The following MYO9B variants were observed in gnomAD, a reference collection of about 807,000 sequenced individuals.
The protein encoded by MYO9B is myosin IXB.
Under a neutral mutation model 229.5 loss-of-function variants are expected in MYO9B, and 71 were observed. The ratio of observed to expected loss-of-function variants is 0.31; its 90% CI spans 0.26 to 0.38. The LOEUF (loss-of-function observed/expected upper bound fraction) is 0.38, where lower values mean the gene tolerates loss of function less well. MYO9B is among the 10% of genes least tolerant of loss of function. MYO9B has a pLI of 1.00. For synonymous variants in MYO9B, 1,185 were observed against 1,235.8 expected (o/e 0.96, Z 0.86); for missense variants, 2,255 against 2,920.5 (o/e 0.77, Z 5.25).
intron 38 of MYO9B, among the ~76,000 whole-genome samples, 187 bp downstream of exon 38, chr19:17,211,035 G>A (rs1388239255): frequency 1.4e-5 from 2 of 144,654 alleles, no homozygotes; most frequent in African/African-American, 5.2e-5. Context: ...CCCAGCTGGA[G>A]TGCAGTGGTG....
At chr19:17,182,917 C>A (rs1009029942) in intron 15 of MYO9B, among the ~76,000 whole-genome samples, 7 of 152,052 alleles carry the variant, frequency 4.6e-5, no homozygotes, top group Admixed American at 2.6e-4. Context: ...AAAAGAGCAG[C>A]TTTGGGTTTT....
Position 17,102,153 on chromosome 19 carries a change from G to A in MYO9B, c.436G>A (p.Ala146Thr). 1.2e-6 allele frequency: 2 copies of A among 1,613,784 alleles called. No homozygotes were observed. The highest frequency in any genetic ancestry group is 1.7e-6 in the Non-Finnish European group (2 of 1,179,886). ...VERGLLPRQQADFDDLCNLPE... is the reference protein window; with the variant it reads ...VERGLLPRQQTDFDDLCNLPE... ...GCGTGGCCTCCTGCCACGGCAGCAG[G>A]CGGACTTTGATGACCTGTGTAACCT... Residue 146 changes from alanine to threonine, a missense_variant, in exon 2 of 40, where the codon GCG (alanine) becomes ACG (threonine). Around this residue, in one of 7 missense-constraint regions of MYO9B, gnomAD observed 386 missense variants for 515.2 expected, o/e 0.75. Coordinates refer to ENST00000682292, the MANE Select transcript of MYO9B (RefSeq NM_004145.4).
intron 2 of MYO9B, among the ~76,000 whole-genome samples, chr19:17,145,146 C>T (rs1041456973): frequency 2.0e-5 from 3 of 151,668 alleles, no homozygotes; most frequent in East Asian, 1.9e-4. Flanking sequence ...CATGGTAGCG[C>T]ACATCTGTAG....
intron 29 of MYO9B, 27 bp from the exon 30 acceptor site, chr19:17,203,120 G>T: frequency 6.5e-7 from 1 of 1,541,570 alleles, no homozygotes; most frequent in Non-Finnish European, 8.8e-7. Context: ...CCCTTTCCCT[G>T]CCCAGCGCCT....
At chr19:17,119,993 G>A (rs1365747048) in intron 2 of MYO9B, among the ~76,000 whole-genome samples, 3 of 152,052 alleles carry the variant, frequency 2.0e-5, no homozygotes, top group Non-Finnish European at 2.9e-5. Flanking sequence ...GCAAAACCCC[G>A]TTGCTACGAA....
Position 17,207,261 on chromosome 19 carries a change from C to T in MYO9B, c.5624+17C>T, listed in dbSNP as rs909973480. Reference sequence around the variant, plus strand: ...GATCACCACGTGAGTGCCCACCCTGCCCCGGAGGCATGCTCAGGGCAGCCC... The same window carrying T: ...GATCACCACGTGAGTGCCCACCCTGTCCCGGAGGCATGCTCAGGGCAGCCC... On this transcript the variant is annotated intron_variant, in intron 35 of 39. Coordinates refer to ENST00000682292, the MANE Select transcript of MYO9B (RefSeq NM_004145.4). 22 of 1,587,536 alleles carry T rather than the reference C, an allele frequency of 1.4e-5. No individual in the cohort carries two copies. Among genetic ancestry groups the T allele is most frequent in the Non-Finnish European group, 1.9e-5 (22 of 1,168,226 alleles).
At chr19:17,139,359 A>G (rs1226363601) in intron 2 of MYO9B, among the ~76,000 whole-genome samples, 2 of 151,704 alleles carry the variant, frequency 1.3e-5, no homozygotes, top group African/African-American at 4.8e-5. Context: ...CTAGGCAGGA[A>G]AATCGCTTGA....
chr19:17,138,279 T>C (rs976674886), intron 2 of MYO9B, among the ~76,000 whole-genome samples: 1 of 152,156 alleles, frequency 6.6e-6, no homozygotes, highest in African/African-American at 2.4e-5. Flanking sequence ...ATGTGCCACA[T>C]TTTCTTAATC....
chr19:17,111,062 T>G (rs143560945), intron 2 of MYO9B, among the ~76,000 whole-genome samples: 1,796 of 152,248 alleles, frequency 0.012, 46 homozygotes, highest in African/African-American at 0.04. Flanking sequence ...AGTGCCATTA[T>G]CCACTTCGAC....
At chr19:17,180,409 A>C in intron 14 of MYO9B, among the ~76,000 whole-genome samples, 1 of 114,576 alleles carries the variant, frequency 8.7e-6, no homozygotes, top group African/African-American at 3.4e-5. Context: ...AGTGCAATGG[A>C]TGGCACTATC....
chr19:17,201,914 C>T lies in MYO9B; in HGVS notation c.4564-12C>T, dbSNP rs905307050. The T allele has an allele frequency of 4.4e-6, 7 of 1,606,700 alleles. No homozygotes were observed. In the African/African-American group the frequency reaches 6.7e-5, roughly 15 times the overall value. ...CCTGAGGCACGCAGGGTCAGTTCCT[C>T]TCCCCTTCCAGATAAATGACCTCCG... On this transcript the variant is annotated splice_polypyrimidine_tract_variant and intron_variant, in intron 26 of 39. Coordinates refer to ENST00000682292, the MANE Select transcript of MYO9B (RefSeq NM_004145.4).
chr19:17,088,066 C>T (rs528530310), intron 1 of MYO9B, among the ~76,000 whole-genome samples: 135 of 152,296 alleles, frequency 8.9e-4, no homozygotes, highest in Non-Finnish European at 1.6e-3. Flanking sequence ...CACCACCGCA[C>T]TCCAGCCTGG....
chr19:17,206,032 C>T lies in MYO9B; in HGVS notation c.5137C>T (p.Pro1713Ser), dbSNP rs1230350396. ...DSLTSDKASV[P>S]IVLEKLLEHV... ...CCTGACCAGCGACAAGGCCTCGGTG[C>T]CCATCGTGCTGGAGAAGCTCCTGGA... Residue 1713 changes from proline (P) to serine (S), a missense_variant, in exon 32 of 40, where the codon CCC becomes TCC. Physicochemically the swap from Pro to Ser is moderately conservative, Grantham distance 74 (BLOSUM62 -1). Around this residue, in one of 7 missense-constraint regions of MYO9B, gnomAD observed 416 missense variants for 605.5 expected, o/e 0.69. Coordinates refer to ENST00000682292, the MANE Select transcript of MYO9B (RefSeq NM_004145.4). 1.9e-6 allele frequency: 3 copies of T among 1,609,058 alleles called. No individual in the cohort carries two copies. Among genetic ancestry groups the T allele is most frequent in the Non-Finnish European group, 2.5e-6 (3 of 1,177,110 alleles).
intron 2 of MYO9B, among the ~76,000 whole-genome samples, 167 bp from the exon 3 acceptor site, chr19:17,145,230 T>G (rs1375301562): frequency 1.3e-5 from 2 of 151,978 alleles, no homozygotes; most frequent in Non-Finnish European, 2.9e-5. Context: ...GAGCCAAGAT[T>G]GTGCCACTTC....
Position 17,184,896 on chromosome 19 carries a change from T to C in MYO9B, c.2405T>C (p.Ile802Thr). ...NLLDSKSLKL[I>T]ISMTLHDRTT... ...CTGGACTCCAAGTCCCTGAAACTCA[T>C]CATCAGCATGACTCTGCACGACCGC... The change falls in exon 17 of 40, where the codon ATC (isoleucine) becomes ACC (threonine). Residue 802 changes from isoleucine (I) to threonine (T), a missense_variant. By Grantham distance (89) the Ile-to-Thr change is moderately conservative (BLOSUM62 -1). This residue lies in a region of MYO9B where 155 missense variants were observed against 159.1 expected (regional missense o/e 0.97). Transcript: ENST00000682292. 1 of 1,613,802 alleles carries C rather than the reference T, an allele frequency of 6.2e-7. No homozygotes were observed. The highest frequency in any genetic ancestry group is 1.1e-5 in the South Asian group (1 of 91,084).
intron 2 of MYO9B, among the ~76,000 whole-genome samples, chr19:17,120,638 CAAAAAAAAAAA>C: frequency 1.1e-5 from 1 of 86,984 alleles, no homozygotes; most frequent in African/African-American, 4.5e-5. Context: ...GACTCTGTCT[CAAAAAAAAAAA>C]AAAAAAAAAA....
intron 1 of MYO9B, among the ~76,000 whole-genome samples, chr19:17,089,485 A>G (rs903337631): frequency 9.9e-5 from 15 of 152,198 alleles, no homozygotes; most frequent in Non-Finnish European, 2.1e-4. Flanking sequence ...CCCCGTCCGG[A>G]GGCCTTTATT....
At chr19:17,155,106 T>C (rs12979901) in intron 6 of MYO9B, among the ~76,000 whole-genome samples, 105,216 of 152,060 alleles carry the variant, frequency 0.69, 36,702 homozygotes, top group African/African-American at 0.77. Flanking sequence ...TCATTTCAGC[T>C]CGGGCAACAG....
In MYO9B at chr19:17,206,705, G is replaced by A; in HGVS notation, c.5413G>A (p.Ala1805Thr). ...GCTGCCGGAGAAGCAGGAGCAGCTG[G>A]CTGCCATCTATGCCGTCCTGGAGCA... ...VELPEKQEQLAAIYAVLEHLP... is the reference protein window; with the variant it reads ...VELPEKQEQLTAIYAVLEHLP... Residue 1805 changes from alanine to threonine, a missense_variant, in exon 34 of 40, where the codon GCT becomes ACT. Around this residue, in one of 7 missense-constraint regions of MYO9B, gnomAD observed 416 missense variants for 605.5 expected, o/e 0.69. Coordinates refer to ENST00000682292, the MANE Select transcript of MYO9B (RefSeq NM_004145.4). The A allele has an allele frequency of 6.3e-7, 1 of 1,583,568 alleles. No individual in the cohort carries two copies. The highest frequency in any genetic ancestry group is 8.6e-7 in the Non-Finnish European group (1 of 1,165,870).
Sources: gnomAD v4.1 joint callset for allele counts (sites outside exome capture counted in the v4.1 genomes callset) on GRCh38, gnomAD v4.1.1 for gene constraint, gnomAD v4.1.1 regional missense constraint, MANE v1.5 for transcripts, NCBI Gene and HGNC (gene_info 2026-07-23, HGNC 2026-07-21) for gene names.